The following RASAL2 variants were observed in gnomAD, a reference collection of about 807,000 sequenced individuals.
RASAL2 encodes RAS protein activator like 2.
In RASAL2, 58 loss-of-function variants were observed where a neutral mutation model predicts 128.9. That is an observed-to-expected ratio of 0.45 (90% CI 0.36 to 0.56). RASAL2 has a LOEUF of 0.56. Ranked by LOEUF, RASAL2 falls within the 20% of genes least tolerant of loss-of-function variation. RASAL2 has a pLI of 0.00. For missense variants in RASAL2, 1,360 were observed against 1,601.6 expected, an observed-to-expected ratio of 0.85 and a Z score of 2.57; for synonymous variants, 561 against 580.8, an observed-to-expected ratio of 0.97 and a Z score of 0.49.
At chr1:178,281,884 A>C (rs1308793147) in intron 1 of RASAL2, among the ~76,000 whole-genome samples, 1 of 152,224 alleles carries the variant, frequency 6.6e-6, no homozygotes, top group Non-Finnish European at 1.5e-5. Context: ...TGTAGGCAAG[A>C]ATATCCTATA....
intron 1 of RASAL2, among the ~76,000 whole-genome samples, chr1:178,252,040 T>C (rs969906344): frequency 6.6e-5 from 10 of 152,170 alleles, no homozygotes; most frequent in African/African-American, 9.7e-5. Flanking sequence ...TGAAAAATTA[T>C]GTTATTTAAG....
intron 1 of RASAL2, among the ~76,000 whole-genome samples, chr1:178,139,600 C>T (rs1168146861): frequency 6.6e-6 from 1 of 151,954 alleles, no homozygotes. Flanking sequence ...CGGAAAGTTA[C>T]CTATGATAGG....
intron 1 of RASAL2, among the ~76,000 whole-genome samples, chr1:178,147,479 C>CAAAAAAAAA (rs71297899): frequency 4.8e-5 from 4 of 82,986 alleles, no homozygotes; most frequent in African/African-American, 1.7e-4. Context: ...GACTCCGTCT[C>CAAAAAAAAA]AAAAAAAAAA....
At chr1:178,401,228 A>AT (rs1223484638) in intron 4 of RASAL2, among the ~76,000 whole-genome samples, 2 of 152,222 alleles carry the variant, frequency 1.3e-5, no homozygotes, top group Non-Finnish European at 2.9e-5. Flanking sequence ...TTGACCTCTT[A>AT]TGCCATAGTT....
chr1:178,202,599 G>A (rs551336930), intron 1 of RASAL2, among the ~76,000 whole-genome samples: 1 of 152,358 alleles, frequency 6.6e-6, no homozygotes, highest in East Asian at 1.9e-4. Flanking sequence ...ATGGGCTATA[G>A]TCAATGGTTT....
intron 4 of RASAL2, chr1:178,411,956 C>T: frequency 3.6e-6 from 2 of 558,106 alleles, no homozygotes; most frequent in Non-Finnish European, 3.1e-6. Flanking sequence ...AGGACATCAC[C>T]CCCCATCCCC....
At chr1:178,251,320 T>C (rs534062511) in intron 1 of RASAL2, among the ~76,000 whole-genome samples, 1 of 152,360 alleles carries the variant, frequency 6.6e-6, no homozygotes, top group South Asian at 2.1e-4. Context: ...TCATACAATC[T>C]TTAAAAATCT....
At chr1:178,342,980 C>T (rs1557915785) in intron 3 of RASAL2, among the ~76,000 whole-genome samples, 1 of 152,272 alleles carries the variant, frequency 6.6e-6, no homozygotes, top group South Asian at 2.1e-4. Flanking sequence ...AAAAAGGTTG[C>T]TGCCCTTTCC....
chr1:178,094,649 C>T lies in RASAL2; in HGVS notation c.157C>T (p.Leu53Phe). 6.2e-7 allele frequency: 1 copy of T among 1,614,080 alleles called. No individual in the cohort carries two copies. The highest frequency in any genetic ancestry group is 8.5e-7 in the Non-Finnish European group (1 of 1,180,038). ...AVAGGMLDRI[L>F]LESVCQQQSW... Reference sequence around the variant, plus strand: ...CGCCGGTGGCATGTTGGATCGGATCCTTCTGGAGTCCGTGTGCCAGCAACA... The same window carrying T: ...CGCCGGTGGCATGTTGGATCGGATCTTTCTGGAGTCCGTGTGCCAGCAACA... Residue 53 changes from leucine (L) to phenylalanine (F), a missense_variant, in exon 1 of 18, where the codon CTT (leucine) becomes TTT (phenylalanine). Coordinates refer to ENST00000367649, the MANE Select transcript of RASAL2 (RefSeq NM_170692.4).
At chr1:178,175,335 A>G (rs1022460765) in intron 1 of RASAL2, among the ~76,000 whole-genome samples, 1 of 151,982 alleles carries the variant, frequency 6.6e-6, no homozygotes, top group African/African-American at 2.4e-5. Context: ...AGGGAGATCT[A>G]CGTCTTCTAA....
At chr1:178,401,396 G>A (rs1396319176) in intron 4 of RASAL2, among the ~76,000 whole-genome samples, 1 of 152,190 alleles carries the variant, frequency 6.6e-6, no homozygotes, top group African/African-American at 2.4e-5. Context: ...TAATGATAGA[G>A]AAACTCATGG....
chr1:178,461,414 G>A (rs1302928724), intron 14 of RASAL2, among the ~76,000 whole-genome samples: 1 of 152,032 alleles, frequency 6.6e-6, no homozygotes, highest in African/African-American at 2.4e-5. Flanking sequence ...TGAGTAGGAA[G>A]GAAATAAAAT....
At chr1:178,309,168 TA>T (rs1404375557) in intron 3 of RASAL2, among the ~76,000 whole-genome samples, 1 of 152,142 alleles carries the variant, frequency 6.6e-6, no homozygotes, top group Admixed American at 6.6e-5. Context: ...AAAATCTTTA[TA>T]AAAAATAATA....
At chr1:178,113,615 T>C (rs1283624321) in intron 1 of RASAL2, among the ~76,000 whole-genome samples, 3 of 149,926 alleles carry the variant, frequency 2.0e-5, no homozygotes, top group African/African-American at 7.4e-5. Context: ...ACTCCTGGCC[T>C]CAAGCAATCC....
chr1:178,407,342 A>G (rs1220809907), intron 4 of RASAL2, among the ~76,000 whole-genome samples: 4 of 152,204 alleles, frequency 2.6e-5, no homozygotes, highest in Non-Finnish European at 5.9e-5. Flanking sequence ...TTAATTTTTT[A>G]GAATTACGTT....
At position 178,102,466 on chromosome 1, in the gene RASAL2, T is replaced by G. The variant is rs1252404546; in HGVS notation, c.202+7772T>G. Among the ~76,000 whole-genome samples, 6 of 152,214 alleles carry G rather than the reference T, an allele frequency of 3.9e-5. No individual in the cohort carries two copies. The East Asian group carries it at 1.2e-3, about 29-fold the overall frequency. ...CCATTGCCTGGGTTCAGGGGATCCT[T>G]CCACCTCAGCCTCCCGAATAACTGG... is the stretch of plus-strand genomic sequence containing the variant. On this transcript the variant is annotated intron_variant, in intron 1 of 17. Transcript: ENST00000367649.
intron 1 of RASAL2, among the ~76,000 whole-genome samples, chr1:178,107,020 TTA>T (rs1180855102): frequency 6.6e-6 from 1 of 152,162 alleles, no homozygotes; most frequent in Admixed American, 6.5e-5. Flanking sequence ...TTGTATGAAA[TTA>T]TATGTTTTTA....
At chr1:178,287,001 G>A (rs557879414) in intron 2 of RASAL2, among the ~76,000 whole-genome samples, 1 of 151,992 alleles carries the variant, frequency 6.6e-6, no homozygotes, top group South Asian at 2.1e-4. Context: ...ACCCTTCTGA[G>A]ACCTAGGACC....
chr1:178,261,365 A>G (rs1405492802), intron 1 of RASAL2, among the ~76,000 whole-genome samples: 1 of 152,178 alleles, frequency 6.6e-6, no homozygotes, highest in Non-Finnish European at 1.5e-5. Context: ...TTAGCTCTAC[A>G]TATCTTTTTT....
Sources: gnomAD v4.1 joint callset for allele counts (sites outside exome capture counted in the v4.1 genomes callset) on GRCh38, gnomAD v4.1.1 for gene constraint, MANE v1.5 for transcripts, NCBI Gene and HGNC (gene_info 2026-07-23, HGNC 2026-07-21) for gene names.